The following GOLIM4 variants were observed in gnomAD, a reference collection of about 807,000 sequenced individuals.
GOLIM4 encodes 130 kDa golgi-localized phosphoprotein.
A neutral mutation model predicts 107.4 loss-of-function variants in GOLIM4; 71 were observed. The observed-to-expected ratio is 0.66, with a 90% CI of 0.55 to 0.81. The LOEUF is 0.81. GOLIM4 is among the 30% of genes least tolerant of loss of function. The pLI, the probability that GOLIM4 is intolerant of heterozygous loss-of-function variation, is 0.00. For missense variants in GOLIM4, 830 were observed against 826.1 expected (o/e 1.00, Z -0.06); for synonymous variants, 327 against 294.8 (o/e 1.11, Z -1.12).
intron 1 of GOLIM4, among the ~76,000 whole-genome samples, chr3:168,054,301 C>G (rs535196604): frequency 1.3e-5 from 2 of 152,312 alleles, no homozygotes; most frequent in African/African-American, 2.4e-5. Flanking sequence ...CCCACAAGGC[C>G]CTCACAGGGC....
intron 14 of GOLIM4, 104 bp downstream of exon 14, chr3:168,024,422 A>G: frequency 2.2e-6 from 2 of 898,142 alleles, no homozygotes; most frequent in South Asian, 2.8e-5. Flanking sequence ...TTTTCTGAAC[A>G]TTTCTGTGGA....
At chr3:168,069,809 T>G (rs184128089) in intron 1 of GOLIM4, among the ~76,000 whole-genome samples, 5 of 152,348 alleles carry the variant, frequency 3.3e-5, no homozygotes, top group Admixed American at 3.3e-4. Flanking sequence ...AAACTAAATT[T>G]CCTTAAAGGA....
chr3:168,036,364 A>G (rs1444573451), intron 8 of GOLIM4, among the ~76,000 whole-genome samples: 1 of 152,164 alleles, frequency 6.6e-6, no homozygotes, highest in Non-Finnish European at 1.5e-5. Flanking sequence ...AACATAGCGA[A>G]ACCCTGTCTC....
At chr3:168,076,634 T>C (rs1301538370) in intron 1 of GOLIM4, among the ~76,000 whole-genome samples, 1 of 152,174 alleles carries the variant, frequency 6.6e-6, no homozygotes, top group African/African-American at 2.4e-5. Context: ...GAGGTTGCAG[T>C]GAGCCAAGAT....
At chr3:168,051,293 C>G (rs1719631632) in intron 1 of GOLIM4, among the ~76,000 whole-genome samples, 1 of 105,798 alleles carries the variant, frequency 9.5e-6, no homozygotes, top group African/African-American at 3.1e-5. Context: ...AAGATAATAC[C>G]CTGACAGCTG....
intron 14 of GOLIM4, among the ~76,000 whole-genome samples, chr3:168,014,411 C>CA (rs1453306450): frequency 7.9e-6 from 1 of 127,002 alleles, no homozygotes; most frequent in Non-Finnish European, 1.6e-5. Context: ...GCTTACCAAC[C>CA]AAAAAGAGTC....
At chr3:168,091,572 A>T (rs939207255) in intron 1 of GOLIM4, among the ~76,000 whole-genome samples, 1 of 152,224 alleles carries the variant, frequency 6.6e-6, no homozygotes, top group African/African-American at 2.4e-5. Flanking sequence ...TTAGCTACAT[A>T]AACAAATTCT....
At chr3:168,078,715 G>A (rs1194979655) in intron 1 of GOLIM4, among the ~76,000 whole-genome samples, 2 of 152,114 alleles carry the variant, frequency 1.3e-5, no homozygotes, top group East Asian at 1.9e-4. Flanking sequence ...TTAACAAAAG[G>A]TAATTGGTGG....
intron 14 of GOLIM4, among the ~76,000 whole-genome samples, chr3:168,020,676 C>T (rs1343343246): frequency 6.6e-6 from 1 of 152,200 alleles, no homozygotes; most frequent in African/African-American, 2.4e-5. Context: ...ATTTCAACGA[C>T]TCTTTAGGGA....
chr3:168,027,983 T>C (rs1307124968), intron 11 of GOLIM4, 146 bp from the exon 12 acceptor site: 1 of 631,770 alleles, frequency 1.6e-6, no homozygotes, highest in African/African-American at 1.8e-5. Context: ...TGTCCTGGCT[T>C]TTCTGAATAA....
chr3:168,060,092 A>T (rs1397549732), intron 1 of GOLIM4, among the ~76,000 whole-genome samples: 1 of 145,420 alleles, frequency 6.9e-6, no homozygotes, highest in Non-Finnish European at 1.5e-5. Context: ...ATTGGGAACC[A>T]TTAGAGAGTT....
intron 1 of GOLIM4, among the ~76,000 whole-genome samples, chr3:168,053,818 T>C (rs928097947): frequency 1.3e-5 from 2 of 152,238 alleles, no homozygotes; most frequent in Non-Finnish European, 2.9e-5. Flanking sequence ...TTACTTTTCC[T>C]TCCTTCTTCC....
chr3:168,040,871 T>C lies in GOLIM4; in HGVS notation c.601-2A>G. On this transcript the variant is annotated splice_acceptor_variant, in intron 6 of 15. Coordinates refer to ENST00000470487, the MANE Select transcript of GOLIM4 (RefSeq NM_014498.5). LOFTEE classifies it high-confidence loss of function. ...GGAGAGTAAATTCTTATGCTGTTGC[T>C]ACACAAAAAAGAATTTTACATGTTG... 1.2e-6 allele frequency: 2 copies of C among 1,603,814 alleles called. No individual in the cohort carries two copies. The highest frequency in any genetic ancestry group is 1.7e-6 in the Non-Finnish European group (2 of 1,170,994).
chr3:168,086,684 G>C (rs1721645158), intron 1 of GOLIM4, among the ~76,000 whole-genome samples: 1 of 152,180 alleles, frequency 6.6e-6, no homozygotes. Context: ...TACGGCTATA[G>C]AGAGCAATTT....
chr3:168,063,458 A>G (rs1263464191), intron 1 of GOLIM4, among the ~76,000 whole-genome samples: 1 of 152,082 alleles, frequency 6.6e-6, no homozygotes, highest in Non-Finnish European at 1.5e-5. Context: ...ATTTCCCCAT[A>G]TACTTCCTTT....
rs1201881607 is a variant in GOLIM4 at position 168,032,564 on chromosome 3, G to A, written c.1132C>T (p.Gln378Ter). The A allele has an allele frequency of 6.2e-7, 1 of 1,614,020 alleles. No individual in the cohort carries two copies. Among genetic ancestry groups the A allele is most frequent in the Admixed American group, 1.7e-5 (1 of 60,014 alleles). Reference sequence around the variant, plus strand: ...TCCAGGAGGTTGGCTGCTTCTCGTTGCTCATGCTGCTCTTTCCACTCCCGA... The same window carrying A: ...TCCAGGAGGTTGGCTGCTTCTCGTTACTCATGCTGCTCTTTCCACTCCCGA... ...QDREWKEQHE[Q>*]REAANLLEGH... Residue 378 changes from glutamine (Q) to a stop codon, truncating the protein, a stop_gained, in exon 9 of 16, where the codon CAA becomes TAA. Coordinates refer to ENST00000470487, the MANE Select transcript of GOLIM4 (RefSeq NM_014498.5). LOFTEE classifies it high-confidence loss of function.
intron 1 of GOLIM4, among the ~76,000 whole-genome samples, chr3:168,067,526 A>C (rs1435389762): frequency 1.4e-5 from 2 of 142,538 alleles, no homozygotes; most frequent in South Asian, 2.1e-4. Flanking sequence ...AAAAAAAAAA[A>C]CACACACACA....
chr3:168,024,354 G>A (rs1202846141), intron 14 of GOLIM4, among the ~76,000 whole-genome samples, 172 bp downstream of exon 14: 2 of 152,196 alleles, frequency 1.3e-5, no homozygotes, highest in African/African-American at 4.8e-5. Context: ...CTAACCAAAT[G>A]TCTCCAGTGC....
chr3:168,050,790 A>G (rs1454735960), intron 1 of GOLIM4, among the ~76,000 whole-genome samples: 1 of 150,670 alleles, frequency 6.6e-6, no homozygotes, highest in African/African-American at 2.4e-5. Context: ...AGTCCCCAGT[A>G]TAGGCGGAAA....
Sources: allele counts gnomAD v4.1 joint callset (sites outside exome capture counted in the v4.1 genomes callset), GRCh38; gene constraint gnomAD v4.1.1; transcripts MANE v1.5; gene names NCBI Gene and HGNC (gene_info 2026-07-23, HGNC 2026-07-21).